Variants in ACSM5 observed in about 807,000 individuals in gnomAD.
ACSM5 encodes the protein acyl-coenzyme A synthetase ACSM5, mitochondrial.
ACSM5 carries 56 observed loss-of-function variants against 71.6 expected under a neutral mutation model. The observed-to-expected ratio is 0.78, with a 90% confidence interval of 0.63 to 0.98. ACSM5 has a LOEUF of 0.98. ACSM5 is among the 50% of genes least tolerant of loss of function. The pLI, the probability that ACSM5 is intolerant of heterozygous loss-of-function variation, is 0.00. For missense variants in ACSM5, 723 were observed against 726.0 expected (o/e 1.00, Z 0.05); for synonymous variants, 285 against 281.5 (o/e 1.01, Z -0.12).
chr16:20,427,784 T>C lies in ACSM5; in HGVS notation c.922-4T>C. The C allele has an allele frequency of 6.2e-7, 1 of 1,609,916 alleles. No individual in the cohort carries two copies. The highest frequency in any genetic ancestry group is 1.3e-5 in the African/African-American group (1 of 74,978). ...GACATCTTTCACCCTTTGTTTTTGT[T>C]TAGACTCTCTCCAAATTCCCGATAA... On this transcript the variant is annotated splice_region_variant and splice_polypyrimidine_tract_variant and intron_variant, in intron 6 of 13. Coordinates refer to ENST00000331849, the MANE Select transcript of ACSM5 (RefSeq NM_017888.3).
In ACSM5 at chr16:20,415,041, A is replaced by G. The variant is rs187412768; in HGVS notation, c.205-3018A>G. Among the ~76,000 whole-genome samples the G allele has an allele frequency of 4.2e-3, 636 of 152,350 alleles. 4 individuals carry two copies. Among genetic ancestry groups the G allele is most frequent in the Middle Eastern group, 0.01 (3 of 294 alleles). ...TGTCCTAGAGCTAGATGGATAGAAT[A>G]ACTTATAAGGGATAAGCTTGGATAT... On this transcript the variant is annotated intron_variant, in intron 2 of 13. Transcript: ENST00000331849.
rs748907412 is a variant in ACSM5 at position 20,429,778 on chromosome 16, G to A, written c.1102G>A (p.Glu368Lys). 262 of 1,612,336 alleles carry A rather than the reference G, an allele frequency of 1.6e-4. 10 individuals carry two copies. The Admixed American group carries it at 3.6e-3, about 22-fold the overall frequency. Residue 368 changes from glutamate (E) to lysine (K), a missense_variant, in exon 8 of 14, where the codon GAA becomes AAA. By Grantham distance (56) the Glu-to-Lys change is moderately conservative. Transcript: ENST00000331849. ...WKHQTGVELY[E>K]GYGQSETVVI... ...ACACCAGACTGGTGTGGAGCTGTAC[G>A]AAGGCTATGGCCAGTCTGAAACGGT...
At chr16:20,411,334 A>G (rs546428311) in intron 1 of ACSM5, 136 bp from the exon 2 acceptor site, 15 of 696,176 alleles carry the variant, frequency 2.2e-5, no homozygotes, top group Admixed American at 7.4e-5. Context: ...CTGAGACTGA[A>G]GGTGGAGAGT....
At chr16:20,422,600 T>A (rs2141648818) in intron 5 of ACSM5, among the ~76,000 whole-genome samples, 1 of 152,344 alleles carries the variant, frequency 6.6e-6, no homozygotes, top group East Asian at 1.9e-4. Flanking sequence ...ATGTTTAATT[T>A]TTTTTGAGAA....
chr16:20,411,671 T>A lies in ACSM5; in HGVS notation c.187T>A (p.Trp63Arg), dbSNP rs575223028. The A allele has an allele frequency of 6.2e-6, 10 of 1,613,960 alleles. No homozygotes were observed. The highest frequency in any genetic ancestry group is 7.6e-6 in the Non-Finnish European group (9 of 1,180,016). ...CTTCGCCCATGATGTGCTGGATGTGTGGAGTCGGCTGGAAGAGGTGAAGCC... is the reference window on the plus strand; with the variant it reads ...CTTCGCCCATGATGTGCTGGATGTGAGGAGTCGGCTGGAAGAGGTGAAGCC... ...FNFAHDVLDV[W>R]SRLEEAGHRP... The change falls in exon 2 of 14, where the codon TGG becomes AGG. Residue 63 changes from tryptophan (W) to arginine (R), a missense_variant. By Grantham distance (101) the Trp-to-Arg change is moderately radical. Transcript: ENST00000331849.
At chr16:20,426,479 C>A (rs548747858) in intron 6 of ACSM5, among the ~76,000 whole-genome samples, 39 of 152,216 alleles carry the variant, frequency 2.6e-4, no homozygotes, top group African/African-American at 7.7e-4. Context: ...GCAGCATTAA[C>A]AATAACTAAA....
intron 6 of ACSM5, among the ~76,000 whole-genome samples, chr16:20,425,719 A>C (rs1966966110): frequency 6.6e-6 from 1 of 152,184 alleles, no homozygotes; most frequent in African/African-American, 2.4e-5. Flanking sequence ...TTAGAATAAT[A>C]GTCTACAATC....
Position 20,418,274 on chromosome 16 carries a change from G to A in ACSM5, c.415+5G>A, listed in dbSNP as rs758978901. 6.2e-7 allele frequency: 1 copy of A among 1,605,314 alleles called. No homozygotes were observed. Among genetic ancestry groups the A allele is most frequent in the Non-Finnish European group, 8.5e-7 (1 of 1,175,398 alleles). ...GTGTGGCTTGCATGCGGACAGGTCAGTAAGCAGGGCTGGGAATTTTAGTTG... is the reference window on the plus strand; with the variant it reads ...GTGTGGCTTGCATGCGGACAGGTCAATAAGCAGGGCTGGGAATTTTAGTTG... On this transcript the variant is annotated splice_donor_5th_base_variant and intron_variant, in intron 3 of 13. Transcript: ENST00000331849.
At chr16:20,428,062 C>T (rs1049458274) in intron 7 of ACSM5, among the ~76,000 whole-genome samples, 195 bp downstream of exon 7, 1 of 152,164 alleles carries the variant, frequency 6.6e-6, no homozygotes, top group Non-Finnish European at 1.5e-5. Flanking sequence ...GTCAACATAC[C>T]TGTAAATCTC....
intron 12 of ACSM5, among the ~76,000 whole-genome samples, chr16:20,437,620 G>A (rs546358958): frequency 7.8e-6 from 1 of 128,694 alleles, no homozygotes; most frequent in Admixed American, 7.4e-5. Flanking sequence ...TGGCTATGGG[G>A]CAGGAGATCT....
chr16:20,424,603 A>G (rs1966941735), intron 6 of ACSM5, among the ~76,000 whole-genome samples: 1 of 152,132 alleles, frequency 6.6e-6, no homozygotes, highest in African/African-American at 2.4e-5. Context: ...TATTATTTGT[A>G]CTGAGATAAG....
At chr16:20,428,664 T>G (rs1967036119) in intron 7 of ACSM5, among the ~76,000 whole-genome samples, 1 of 152,160 alleles carries the variant, frequency 6.6e-6, no homozygotes, top group Admixed American at 6.5e-5. Flanking sequence ...AGTGAATTCT[T>G]CTCCAATGTA....
intron 12 of ACSM5, among the ~76,000 whole-genome samples, chr16:20,438,644 G>T (rs1967251490): frequency 6.6e-6 from 1 of 151,672 alleles, no homozygotes; most frequent in African/African-American, 2.4e-5. Flanking sequence ...TTAGAACTGA[G>T]TCTGGTGTGT....
In ACSM5 at chr16:20,411,679, G is replaced by T. The variant is rs564506362; in HGVS notation, c.195G>T (p.Arg65=). The T allele has an allele frequency of 6.2e-7, 1 of 1,613,882 alleles. No individual in the cohort carries two copies. Among genetic ancestry groups the T allele is most frequent in the South Asian group, 1.1e-5 (1 of 91,072 alleles). ...FAHDVLDVWS[R]LEEAGHRPPN... ...ATGATGTGCTGGATGTGTGGAGTCG[G>T]CTGGAAGAGGTGAAGCCTGTTCTGT... Residue 65 remains arginine, a synonymous_variant, in exon 2 of 14, where the codon CGG becomes CGT. Transcript: ENST00000331849.
At chr16:20,439,667 G>T (rs115929193) in intron 12 of ACSM5, 133 bp from the exon 13 acceptor site, 5 of 1,104,428 alleles carry the variant, frequency 4.5e-6, no homozygotes, top group Non-Finnish European at 6.5e-6. Flanking sequence ...TGTGTCATTG[G>T]CTGTGCCCAA....
rs200388804 is a variant in ACSM5, at chr16:20,418,316, G to A, written c.415+47G>A. 142 of 1,555,848 alleles carry A rather than the reference G, an allele frequency of 9.1e-5. 1 individual carries two copies. In the African/African-American group the frequency reaches 1.8e-3, roughly 20 times the overall value. On this transcript the variant is annotated intron_variant, in intron 3 of 13. Coordinates refer to ENST00000331849, the MANE Select transcript of ACSM5 (RefSeq NM_017888.3). Reference sequence around the variant, plus strand: ...TTTTAGTTGGGGGCAGACACAACTTGCCAGAGCTTTGCAGTGTCCACAGGG... The same window carrying A: ...TTTTAGTTGGGGGCAGACACAACTTACCAGAGCTTTGCAGTGTCCACAGGG...
Position 20,436,121 on chromosome 16 carries a change from T to TTTCC in ACSM5, c.1309-920_1309-917dup, listed in dbSNP as rs575883490. ...CTTTCTTTCTTTCTTTTTCTCTTTC[T>TTTCC]TTCCTTCCTTCCTTTCTTTTCCTTC... On this transcript the variant is annotated intron_variant, in intron 10 of 13. Coordinates refer to ENST00000331849, the MANE Select transcript of ACSM5 (RefSeq NM_017888.3). Among the ~76,000 whole-genome samples, 1,208 of 145,678 alleles carry TTTCC rather than the reference T, an allele frequency of 8.3e-3. 8 individuals are homozygous for TTTCC. Among genetic ancestry groups the TTTCC allele is most frequent in the Non-Finnish European group, 0.013 (874 of 66,490 alleles).
rs1159631710 is a variant in ACSM5, at chr16:20,437,115, C to T, written c.1372C>T (p.Arg458Cys). Residue 458 changes from arginine to cysteine, a missense_variant, in exon 11 of 14, where the codon CGC becomes TGC. Transcript: ENST00000331849. ...GDFYITGDRA[R>C]MDKDGYFWFM... is the part of the protein sequence containing the mutation. ...CTTTTACATCACAGGGGACCGAGCT[C>T]GCATGGACAAGGATGGCTACTTTTG... 2.0e-5 allele frequency: 32 copies of T among 1,614,052 alleles called. No homozygotes were observed. The highest frequency in any genetic ancestry group is 1.6e-4 in the Middle Eastern group (1 of 6,084).
intron 2 of ACSM5, among the ~76,000 whole-genome samples, chr16:20,413,185 A>G (rs1210839783): frequency 6.6e-6 from 1 of 152,152 alleles, no homozygotes; most frequent in African/African-American, 2.4e-5. Context: ...TCTTTTTGCA[A>G]TACTAGGGGT....
Sources: gnomAD v4.1 joint callset for allele counts (sites outside exome capture counted in the v4.1 genomes callset) on GRCh38, gnomAD v4.1.1 for gene constraint, MANE v1.5 for transcripts, NCBI Gene and HGNC (gene_info 2026-07-23, HGNC 2026-07-21) for gene names.